TLCD4: variants seen among roughly 807,000 people sequenced by gnomAD.
TLCD4 encodes TLC domain-containing protein 4.
A neutral mutation model predicts 24.2 loss-of-function variants in TLCD4; 7 were observed. The ratio of observed to expected loss-of-function variants is 0.29; its 90% CI spans 0.16 to 0.54. The LOEUF is 0.54. Ranked by LOEUF, TLCD4 falls within the 20% of genes least tolerant of loss-of-function variation. The pLI is 0.95. For missense variants in TLCD4, 259 were observed against 313.9 expected (o/e 0.82, Z 1.32); for synonymous variants, 103 against 106.4 (o/e 0.97, Z 0.20).
At chr1:95,160,368 C>T (rs183533791) in intron 5 of TLCD4, among the ~76,000 whole-genome samples, 3 of 152,316 alleles carry the variant, frequency 2.0e-5, no homozygotes, top group Admixed American at 6.5e-5. Flanking sequence ...TATCCTGAGA[C>T]TTTGCTGAAG....
At chr1:95,173,959 C>T (rs1678326123) in intron 6 of TLCD4, 70 bp downstream of exon 6, 1 of 1,591,036 alleles carries the variant, frequency 6.3e-7, no homozygotes, top group South Asian at 1.1e-5. Flanking sequence ...AATCCTTTTC[C>T]CGTGATCCTC....
intron 1 of TLCD4, among the ~76,000 whole-genome samples, chr1:95,128,932 AACT>A (rs1291705955): frequency 6.6e-6 from 1 of 152,250 alleles, no homozygotes; most frequent in African/African-American, 2.4e-5. Flanking sequence ...GTTGTGACTC[AACT>A]GTCAGATCGG....
At chr1:95,120,908 G>A (rs1018397206) in intron 1 of TLCD4, 1 of 152,280 alleles carries the variant, frequency 6.6e-6, no homozygotes, top group Non-Finnish European at 1.5e-5. Context: ...CCAATGGGTA[G>A]AAAAACAGGT....
intron 1 of TLCD4, among the ~76,000 whole-genome samples, chr1:95,139,705 C>A (rs1194410469): frequency 6.6e-6 from 1 of 151,998 alleles, no homozygotes; most frequent in Non-Finnish European, 1.5e-5. Flanking sequence ...GGTGATCCAC[C>A]AGCCTCGGCC....
intron 1 of TLCD4, among the ~76,000 whole-genome samples, chr1:95,134,401 A>G (rs1676989988): frequency 6.6e-6 from 1 of 152,260 alleles, no homozygotes; most frequent in East Asian, 1.9e-4. Context: ...ATGGAGAAAT[A>G]AGGCCTGAAG....
intron 6 of TLCD4, among the ~76,000 whole-genome samples, chr1:95,176,827 T>C (rs1243623007): frequency 4.6e-5 from 7 of 152,198 alleles, no homozygotes; most frequent in African/African-American, 1.7e-4. Context: ...TTATATATGG[T>C]ATAGGGGTCC....
At chr1:95,184,593 A>T (rs1202803046) in intron 6 of TLCD4, among the ~76,000 whole-genome samples, 4 of 152,162 alleles carry the variant, frequency 2.6e-5, no homozygotes, top group African/African-American at 9.7e-5. Context: ...TCTGGAGTGA[A>T]GGGAGGATTG....
At chr1:95,135,699 C>T (rs1677022817) in intron 1 of TLCD4, among the ~76,000 whole-genome samples, 1 of 151,900 alleles carries the variant, frequency 6.6e-6, no homozygotes, top group African/African-American at 2.4e-5. Flanking sequence ...TGCCCAGCCA[C>T]AACACTTCTT....
At chr1:95,148,074 A>G (rs1030077167) in intron 2 of TLCD4, among the ~76,000 whole-genome samples, 13 of 152,292 alleles carry the variant, frequency 8.5e-5, no homozygotes, top group Non-Finnish European at 1.8e-4. Flanking sequence ...CAATTTTTCT[A>G]TTTAGAAATG....
intron 6 of TLCD4, among the ~76,000 whole-genome samples, chr1:95,184,816 A>G (rs1028710338): frequency 6.6e-6 from 1 of 152,182 alleles, no homozygotes; most frequent in Non-Finnish European, 1.5e-5. Flanking sequence ...TTAGGTAAGA[A>G]GAGGTGGATT....
intron 1 of TLCD4, among the ~76,000 whole-genome samples, chr1:95,139,615 T>C (rs1249254368): frequency 6.6e-6 from 1 of 151,896 alleles, no homozygotes; most frequent in Admixed American, 6.6e-5. Context: ...TGTGCCACCA[T>C]GCCTGGCTAA....
At position 95,193,645 on chromosome 1, in the gene TLCD4, A is replaced by T. The variant is rs1256958210; in HGVS notation, c.*1777A>T. 6.6e-6 allele frequency: 1 copy of T among 152,100 alleles called. No homozygotes were observed. The highest frequency in any genetic ancestry group is 6.5e-5 in the Admixed American group (1 of 15,268). The allele number at this position is 152,100 out of a possible 1,614,324, so 9.4% of individuals were successfully genotyped here. On this transcript the variant is annotated 3_prime_UTR_variant, in exon 7 of 7. Transcript: ENST00000370203. ...AGCCTGATAAGTTTTAGAACATTTA[A>T]AGAAGATTGAAATCTCAGTCAGTAA...
chr1:95,189,330 T>C (rs915058916), intron 6 of TLCD4, among the ~76,000 whole-genome samples: 46 of 152,322 alleles, frequency 3.0e-4, no homozygotes, highest in African/African-American at 1.0e-3. Flanking sequence ...AGGGATGTTA[T>C]ATCATGCATT....
At chr1:95,127,727 T>A (rs1246403406) in intron 1 of TLCD4, among the ~76,000 whole-genome samples, 1 of 152,248 alleles carries the variant, frequency 6.6e-6, no homozygotes, top group Non-Finnish European at 1.5e-5. Context: ...GGACTCTTCC[T>A]AGCATAGACT....
Position 95,128,942 on chromosome 1 carries a change from T to C in TLCD4, c.-12+11325T>C, listed in dbSNP as rs558963739. Among the ~76,000 whole-genome samples, 4 of 152,290 alleles carry C rather than the reference T, an allele frequency of 2.6e-5. No homozygotes were observed. The South Asian group carries it at 6.2e-4, about 24-fold the overall frequency. On this transcript the variant is annotated intron_variant, in intron 1 of 6. Coordinates refer to ENST00000370203, the MANE Select transcript of TLCD4 (RefSeq NM_152487.3). ...GCAGAGTTGTGACTCAACTGTCAGA[T>C]CGGTTTTCTGAGCTTTGGTAGCAAG...
In TLCD4 at chr1:95,129,696, C is replaced by T. The variant is rs565750998; in HGVS notation, c.-12+12079C>T. Among the ~76,000 whole-genome samples the T allele has an allele frequency of 6.6e-5, 10 of 152,246 alleles. 1 individual carries two copies. In the East Asian group the frequency reaches 1.2e-3, roughly 18 times the overall value. On this transcript the variant is annotated intron_variant, in intron 1 of 6. Transcript: ENST00000370203. ...GGCAGAGGTTGCAGTGAACCGAGAT[C>T]GTGCCATTGCACTCCAGCCTGGGCA...
At chr1:95,172,957 T>A (rs1678279425) in intron 5 of TLCD4, among the ~76,000 whole-genome samples, 2 of 152,232 alleles carry the variant, frequency 1.3e-5, no homozygotes, top group Non-Finnish European at 2.9e-5. Context: ...TTAGAATGTA[T>A]ACTTTTGGTT....
At chr1:95,183,265 T>G (rs1678710264) in intron 6 of TLCD4, among the ~76,000 whole-genome samples, 1 of 152,054 alleles carries the variant, frequency 6.6e-6, no homozygotes, top group Non-Finnish European at 1.5e-5. Flanking sequence ...TGAAATGAAA[T>G]TGGCAATGAA....
At chr1:95,105,986 A>G in the TLCD4 span, among the ~76,000 whole-genome samples, 2 of 152,028 alleles carry the variant, frequency 1.3e-5, no homozygotes, top group Non-Finnish European at 2.9e-5. Context: ...CAGTTGTTCT[A>G]ATGCAGACAC....
Sources: allele counts gnomAD v4.1 joint callset (sites outside exome capture counted in the v4.1 genomes callset), GRCh38; gene constraint gnomAD v4.1.1; transcripts MANE v1.5; gene names NCBI Gene and HGNC (gene_info 2026-07-23, HGNC 2026-07-21).